ZNF827: variants seen among roughly 807,000 people sequenced by gnomAD.
ZNF827 encodes the protein zinc finger protein 827.
Under a neutral mutation model 102.4 loss-of-function variants are expected in ZNF827, and 13 were observed. The ratio of observed to expected loss-of-function variants is 0.13; its 90% CI spans 0.08 to 0.20. ZNF827 has a LOEUF of 0.20. ZNF827 is among the 10% of genes least tolerant of loss of function. ZNF827 has a pLI of 1.00. For synonymous variants in ZNF827, 523 were observed against 536.2 expected (o/e 0.98, Z 0.34); for missense variants, 1,103 against 1,344.4 (o/e 0.82, Z 2.81).
At chr4:145,901,789 T>G (rs1162772583) in intron 2 of ZNF827, among the ~76,000 whole-genome samples, 3 of 151,998 alleles carry the variant, frequency 2.0e-5, no homozygotes, top group African/African-American at 4.8e-5. Flanking sequence ...AAGCAGTGGG[T>G]TTTTTTCCCC....
intron 3 of ZNF827, among the ~76,000 whole-genome samples, chr4:145,891,387 A>G (rs561447372): frequency 1.3e-5 from 2 of 152,352 alleles, no homozygotes; most frequent in East Asian, 3.9e-4. Flanking sequence ...ATCAAATTCA[A>G]AAGCCCATGC....
intron 5 of ZNF827, among the ~76,000 whole-genome samples, chr4:145,859,379 T>A (rs891587617): frequency 6.6e-6 from 1 of 152,116 alleles, no homozygotes; most frequent in Admixed American, 6.5e-5. Flanking sequence ...AGGAGTAATA[T>A]AGGGTTCATT....
At chr4:145,885,612 G>GAGAC (rs1484007440) in intron 4 of ZNF827, 66 bp downstream of exon 4, 366 of 18,130 alleles carry the variant, frequency 0.02, no homozygotes, top group African/African-American at 0.17. Context: ...GACAGAGACA[G>GAGAC]AGAGAGAGAG....
chr4:145,866,173 T>G (rs1748175767), intron 5 of ZNF827, among the ~76,000 whole-genome samples: 1 of 152,198 alleles, frequency 6.6e-6, no homozygotes, highest in African/African-American at 2.4e-5. Flanking sequence ...ATCCCAAACC[T>G]GCATCTTCTA....
At chr4:145,930,395 A>C (rs562272918) in intron 1 of ZNF827, among the ~76,000 whole-genome samples, 19 of 152,306 alleles carry the variant, frequency 1.2e-4, no homozygotes, top group Admixed American at 1.1e-3. Flanking sequence ...TTCCCTTCAC[A>C]TCACAATTCT....
chr4:145,892,394 T>C lies in ZNF827; in HGVS notation c.1115A>G (p.Lys372Arg), dbSNP rs551818772. Residue 372 changes from lysine (K) to arginine (R), a missense_variant, in exon 3 of 15, where the codon AAG becomes AGG. Transcript: ENST00000508784. ...ACCACATATTGGACACTGGAAAGGC[T>C]TTCCACTTTCCTCTTCTGAGGCTTG... ...SNSASEEESG[K>R]PFQCPICGLV... is the part of the protein sequence containing the mutation. 6 of 1,613,554 alleles carry C rather than the reference T, an allele frequency of 3.7e-6. No individual in the cohort carries two copies. The African/African-American group carries it at 6.7e-5, about 18-fold the overall frequency.
intron 2 of ZNF827, among the ~76,000 whole-genome samples, chr4:145,899,861 C>G (rs368649130): frequency 1.3e-5 from 2 of 152,146 alleles, no homozygotes; most frequent in African/African-American, 4.8e-5. Flanking sequence ...GTTCCTTTCC[C>G]TCCTCTTTCA....
At position 145,846,493 on chromosome 4, in the gene ZNF827, CAA is replaced by C. The variant is rs372677526; in HGVS notation, c.2222-482_2222-481del. Among the ~76,000 whole-genome samples the C allele has an allele frequency of 4.7e-3, 655 of 139,756 alleles. 8 individuals are homozygous for C. Among genetic ancestry groups the C allele is most frequent in the South Asian group, 0.013 (51 of 3,880 alleles). The allele number at this position is 139,756 out of a possible 152,430, so 91.7% of individuals were successfully genotyped here. A position where few individuals can be genotyped will look rare whatever the true frequency, so the allele number is the denominator to read the frequency against. ...ACTCTGTCTCAAACAAACAAACAAA[CAA>C]AAAAACACAACAACAACAACAAAAA... On this transcript the variant is annotated intron_variant, in intron 6 of 14. Coordinates refer to ENST00000508784, the MANE Select transcript of ZNF827 (RefSeq NM_001306215.2).
chr4:145,838,338 T>G (rs1745083511), intron 7 of ZNF827, among the ~76,000 whole-genome samples: 2 of 152,102 alleles, frequency 1.3e-5, no homozygotes, highest in South Asian at 4.2e-4. Context: ...AAAACCCCTT[T>G]GACTGTAATT....
chr4:145,766,661 T>C (rs961864908), intron 11 of ZNF827, among the ~76,000 whole-genome samples: 3 of 152,050 alleles, frequency 2.0e-5, no homozygotes, highest in African/African-American at 7.2e-5. Flanking sequence ...CCCTTGAGTA[T>C]TCAGCAAAGT....
At chr4:145,828,589 C>T (rs1743902756) in intron 7 of ZNF827, among the ~76,000 whole-genome samples, 1 of 152,186 alleles carries the variant, frequency 6.6e-6, no homozygotes, top group African/African-American at 2.4e-5. Flanking sequence ...AGAGCCCAAG[C>T]CCCCTGTTAA....
chr4:145,902,867 G>C lies in ZNF827; in HGVS notation c.392C>G (p.Ser131Cys). 1 of 1,614,116 alleles carries C rather than the reference G, an allele frequency of 6.2e-7. No individual in the cohort carries two copies. The highest frequency in any genetic ancestry group is 8.5e-7 in the Non-Finnish European group (1 of 1,180,018). The change falls in exon 2 of 15, where the codon TCC becomes TGC. Residue 131 changes from serine (S) to cysteine (C), a missense_variant. Physicochemically the swap from Ser to Cys is moderately radical, Grantham distance 112. Coordinates refer to ENST00000508784, the MANE Select transcript of ZNF827 (RefSeq NM_001306215.2). The surrounding 1 kb of genome is among the most constrained non-coding windows in gnomAD (Gnocchi z 4.3). ...CGTGGCTGCAGCATCGAGTTTGAGG[G>C]AACCAGCCTCCAGCAGCCGCCTCAA... ...SNLRRLLEAG[S>C]LKLDAAATAN...
intron 7 of ZNF827, among the ~76,000 whole-genome samples, chr4:145,838,564 T>G (rs1745111185): frequency 6.6e-6 from 1 of 152,126 alleles, no homozygotes. Flanking sequence ...CCCTTGATAT[T>G]CAATAACAAG....
chr4:145,765,190 G>C lies in ZNF827; in HGVS notation c.3053-25C>G. The C allele has an allele frequency of 6.3e-7, 1 of 1,578,262 alleles. No homozygotes were observed. The highest frequency in any genetic ancestry group is 1.2e-5 in the South Asian group (1 of 83,818). On this transcript the variant is annotated intron_variant, in intron 12 of 14. Coordinates refer to ENST00000508784, the MANE Select transcript of ZNF827 (RefSeq NM_001306215.2). This position sits in a 1 kb window ranked among gnomAD's most constrained non-coding sequence, Gnocchi z 4.7. ...CCTGCAAGGACCGAAGCTGGGTATA[G>C]AGGTGCACAGGGCAGCGGGGAGAGG...
Position 145,870,330 on chromosome 4 carries a change from T to G in ZNF827, c.1896A>C (p.Ala632=), listed in dbSNP as rs752376587. 1.5e-5 allele frequency: 24 copies of G among 1,614,164 alleles called. No homozygotes were observed. The highest frequency in any genetic ancestry group is 2.0e-5 in the Non-Finnish European group (24 of 1,180,010). Residue 632 remains alanine, a synonymous_variant, in exon 5 of 15, where the codon GCA becomes GCC. Transcript: ENST00000508784. ...TTCCCTTCCCTTCCTGGGGCTTTAG[T>G]GCGTCCTCAGAGACGCCTGGGGCTG... is the stretch of plus-strand genomic sequence containing the variant. ...EVSAPGVSED[A]LKPQEGKGSV...
intron 5 of ZNF827, among the ~76,000 whole-genome samples, chr4:145,861,612 G>A (rs1280268137): frequency 2.0e-5 from 3 of 152,154 alleles, no homozygotes; most frequent in African/African-American, 7.2e-5. Context: ...AGGAATCCAA[G>A]AGGAAGGCCT....
intron 8 of ZNF827, among the ~76,000 whole-genome samples, chr4:145,786,231 G>A (rs991121427): frequency 2.6e-5 from 4 of 152,150 alleles, no homozygotes; most frequent in East Asian, 1.9e-4. Flanking sequence ...TTGGTGTATT[G>A]TTTGGCTTTG....
At chr4:145,869,187 A>G (rs1748471710) in intron 5 of ZNF827, among the ~76,000 whole-genome samples, 1 of 152,236 alleles carries the variant, frequency 6.6e-6, no homozygotes, top group Non-Finnish European at 1.5e-5. Flanking sequence ...AATTAACATC[A>G]AAGAAAAGAA....
chr4:145,815,646 T>A (rs1168513382), intron 8 of ZNF827, among the ~76,000 whole-genome samples: 1 of 152,220 alleles, frequency 6.6e-6, no homozygotes, highest in East Asian at 1.9e-4. Flanking sequence ...AGAAATTGCA[T>A]GAAATGAGAA....
Sources: allele counts gnomAD v4.1 joint callset (sites outside exome capture counted in the v4.1 genomes callset), GRCh38; gene constraint gnomAD v4.1.1; non-coding constraint Gnocchi (gnomAD v3.1); transcripts MANE v1.5; gene names NCBI Gene and HGNC (gene_info 2026-07-23, HGNC 2026-07-21).